The following AGBL1 variants were observed in gnomAD, a reference collection of about 807,000 sequenced individuals.
AGBL1 encodes cytosolic carboxypeptidase 4.
In AGBL1, 130 loss-of-function variants were observed where a neutral mutation model predicts 118.9. The observed-to-expected ratio is 1.09, with a 90% CI of 0.95 to 1.26. AGBL1 has a LOEUF of 1.26. AGBL1 is among the 50% of genes most tolerant of loss of function. The pLI, the probability that AGBL1 is intolerant of heterozygous loss-of-function variation, is 0.00. For missense variants in AGBL1, 1,584 were observed against 1,298.1 expected, an observed-to-expected ratio of 1.22 and a Z score of -3.38; for synonymous variants, 555 against 478.9, an observed-to-expected ratio of 1.16 and a Z score of -2.08.
chr15:86,467,436 A>G (rs2082421658), intron 18 of AGBL1, among the ~76,000 whole-genome samples: 2 of 152,120 alleles, frequency 1.3e-5, no homozygotes, highest in African/African-American at 4.8e-5. Flanking sequence ...CCTGAGCAAG[A>G]CCATTTGGCT....
intron 5 of AGBL1, among the ~76,000 whole-genome samples, chr15:86,213,383 G>A (rs1160596133): frequency 6.6e-6 from 1 of 152,146 alleles, no homozygotes; most frequent in Admixed American, 6.5e-5. Context: ...CTCAGTCAGT[G>A]TTTCACAAGT....
At chr15:86,739,524 G>C (rs1160072191) in intron 22 of AGBL1, among the ~76,000 whole-genome samples, 1 of 148,620 alleles carries the variant, frequency 6.7e-6, no homozygotes, top group African/African-American at 2.5e-5. Context: ...TTTTTTTTCG[G>C]GGGGAGCAAG....
chr15:86,256,966 C>A lies in AGBL1; in HGVS notation c.849C>A (p.Ala283=), dbSNP rs768460386. The A allele has an allele frequency of 5.0e-6, 8 of 1,613,978 alleles. No individual in the cohort carries two copies. Among genetic ancestry groups the A allele is most frequent in the Non-Finnish European group, 6.8e-6 (8 of 1,179,882 alleles). The part of the protein sequence containing the change: ...LPLVTASSAY[A]FPVPGCITTE... ...TGGTCACAGCCAGCAGTGCCTATGC[C>A]TTCCCGGTCCCCGGGTGCATCACCA... The change falls in exon 8 of 23, where the codon GCC becomes GCA. Residue 283 remains alanine (A), a synonymous_variant. Transcript: ENST00000614907.
At chr15:86,319,564 A>T (rs139722449) in intron 17 of AGBL1, among the ~76,000 whole-genome samples, 2 of 151,908 alleles carry the variant, frequency 1.3e-5, no homozygotes, top group Non-Finnish European at 2.9e-5. Flanking sequence ...TGTAATACCA[A>T]TTCTGACGTA....
chr15:86,140,087 A>G (rs991184757), intron 1 of AGBL1: 9 of 188,524 alleles, frequency 4.8e-5, no homozygotes, highest in African/African-American at 1.4e-4. Context: ...TTCCCCGTGC[A>G]TGTTGTGGGT....
At chr15:86,667,188 T>A (rs965268655) in intron 21 of AGBL1, among the ~76,000 whole-genome samples, 5 of 151,906 alleles carry the variant, frequency 3.3e-5, no homozygotes, top group African/African-American at 4.8e-5. Context: ...TAAATTTTTT[T>A]AAAATTGAGA....
At chr15:86,633,231 G>C (rs2085007315) in intron 21 of AGBL1, among the ~76,000 whole-genome samples, 1 of 152,140 alleles carries the variant, frequency 6.6e-6, no homozygotes, top group Non-Finnish European at 1.5e-5. Context: ...GATAATGAAT[G>C]GATAGAACTT....
intron 23 of AGBL1, among the ~76,000 whole-genome samples, chr15:86,922,603 A>T (rs1349291779): frequency 6.6e-6 from 1 of 152,220 alleles, no homozygotes; most frequent in Non-Finnish European, 1.5e-5. Context: ...GAAACATTTT[A>T]AAAAACTAAA....
chr15:86,611,410 T>G (rs962089924), intron 21 of AGBL1, among the ~76,000 whole-genome samples: 1 of 152,156 alleles, frequency 6.6e-6, no homozygotes, highest in Non-Finnish European at 1.5e-5. Flanking sequence ...ATTTTGAGAA[T>G]TTTTCAATAT....
chr15:86,923,303 G>C (rs775822276), intron 23 of AGBL1, among the ~76,000 whole-genome samples: 7 of 152,166 alleles, frequency 4.6e-5, no homozygotes, highest in Non-Finnish European at 4.4e-5. Context: ...ACATTCAAAA[G>C]CCTCTACAAT....
chr15:86,625,984 G>A (rs1032956529), intron 21 of AGBL1, among the ~76,000 whole-genome samples: 1 of 152,174 alleles, frequency 6.6e-6, no homozygotes, highest in South Asian at 2.1e-4. Context: ...GAGTCATAAA[G>A]AATAGTAGAG....
rs73451586 is a variant in AGBL1 at position 86,311,593 on chromosome 15, C to T, written c.2374+16185C>T. Among the ~76,000 whole-genome samples the T allele has an allele frequency of 5.0e-3, 757 of 152,112 alleles. 3 individuals are homozygous for T. The highest frequency in any genetic ancestry group is 0.017 in the African/African-American group (709 of 41,464). ...TTCCAACCAAAACCCGGGTTTTCTC[C>T]GGGGCTTCCTATTTTTTTTCTTTTT... On this transcript the variant is annotated intron_variant, in intron 17 of 22. Coordinates refer to ENST00000614907, the MANE Select transcript of AGBL1 (RefSeq NM_001386094.1).
intron 19 of AGBL1, among the ~76,000 whole-genome samples, chr15:86,532,654 T>G (rs1289487772): frequency 6.6e-6 from 1 of 151,034 alleles, no homozygotes; most frequent in Non-Finnish European, 1.5e-5. Flanking sequence ...CATCGCCAAG[T>G]CAATCCTAAG....
intron 24 of AGBL1, chr15:86,988,344 C>A: frequency 6.6e-6 from 2 of 303,402 alleles, no homozygotes; most frequent in South Asian, 8.8e-5. Flanking sequence ...TACTATCTGC[C>A]AGTAGATGTT....
chr15:86,686,654 G>T (rs1386307260), intron 22 of AGBL1, among the ~76,000 whole-genome samples: 1 of 151,980 alleles, frequency 6.6e-6, no homozygotes, highest in Non-Finnish European at 1.5e-5. Context: ...GGCCAGGCTG[G>T]TCTTGAACTC....
chr15:86,829,565 C>A lies in AGBL1; in HGVS notation c.3159-77522C>A, dbSNP rs554046482. 2.6e-5 allele frequency among the ~76,000 whole-genome samples: 4 copies of A among 152,074 alleles called. No individual in the cohort carries two copies. The East Asian group carries it at 7.8e-4, about 29-fold the overall frequency. ...GAACCACTTGCCATTTGAAAAAAAACATCAGTAGAACTATTTGGTCATTTC... is the reference window on the plus strand; with the variant it reads ...GAACCACTTGCCATTTGAAAAAAAAAATCAGTAGAACTATTTGGTCATTTC... On this transcript the variant is annotated intron_variant, in intron 22 of 22. Coordinates refer to ENST00000614907, the MANE Select transcript of AGBL1 (RefSeq NM_001386094.1).
intron 6 of AGBL1, among the ~76,000 whole-genome samples, chr15:86,239,035 G>C (rs200175844): frequency 2.0e-5 from 3 of 152,200 alleles, no homozygotes; most frequent in Admixed American, 2.0e-4. Flanking sequence ...GTGAGGAAGA[G>C]AAAGGTGTGG....
In AGBL1 at chr15:86,400,178, G is replaced by T. The variant is rs571242574; in HGVS notation, c.2555+2632G>T. ...TATTTCAGGGCATGCCCACTCTGTT[G>T]TGTATCATCAGGTGGATTTGTGTTT... On this transcript the variant is annotated intron_variant, in intron 18 of 22. Coordinates refer to ENST00000614907, the MANE Select transcript of AGBL1 (RefSeq NM_001386094.1). Among the ~76,000 whole-genome samples, 6 of 152,186 alleles carry T rather than the reference G, an allele frequency of 3.9e-5. No individual in the cohort carries two copies. The South Asian group carries it at 8.3e-4, about 21-fold the overall frequency.
chr15:86,688,864 C>T (rs372222247), intron 22 of AGBL1, among the ~76,000 whole-genome samples: 2 of 152,008 alleles, frequency 1.3e-5, no homozygotes, highest in South Asian at 2.1e-4. Context: ...GTAATTCATT[C>T]GTCACTCTAC....
Sources: gnomAD v4.1 joint callset for allele counts (sites outside exome capture counted in the v4.1 genomes callset) on GRCh38, gnomAD v4.1.1 for gene constraint, MANE v1.5 for transcripts, NCBI Gene and HGNC (gene_info 2026-07-23, HGNC 2026-07-21) for gene names.